The following FRMD4B variants were observed in gnomAD, a reference collection of about 807,000 sequenced individuals.
The protein encoded by FRMD4B is FERM domain-containing protein 4B.
A neutral mutation model predicts 141.5 loss-of-function variants in FRMD4B; 74 were observed. The observed-to-expected ratio is 0.52, with a 90% CI of 0.43 to 0.63. The LOEUF is 0.63. Ranked by LOEUF, FRMD4B falls within the 30% of genes least tolerant of loss-of-function variation. FRMD4B has a pLI of 0.00. For missense variants in FRMD4B, 1,366 were observed against 1,253.4 expected (o/e 1.09, Z -1.36); for synonymous variants, 506 against 467.9 (o/e 1.08, Z -1.05).
intron 11 of FRMD4B, among the ~76,000 whole-genome samples, chr3:69,212,661 G>C (rs905802409): frequency 6.6e-6 from 1 of 152,166 alleles, no homozygotes; most frequent in Non-Finnish European, 1.5e-5. Context: ...AATATTTACT[G>C]TGCAGATTCT....
At chr3:69,286,370 G>A (rs1168620281) in intron 5 of FRMD4B, among the ~76,000 whole-genome samples, 1 of 152,196 alleles carries the variant, frequency 6.6e-6, no homozygotes, top group Admixed American at 6.5e-5. Flanking sequence ...TCGCATAAAG[G>A]CTGAGAGGAG....
At chr3:69,192,283 G>A (rs2092846585) in intron 17 of FRMD4B, among the ~76,000 whole-genome samples, 1 of 152,064 alleles carries the variant, frequency 6.6e-6, no homozygotes, top group Non-Finnish European at 1.5e-5. Flanking sequence ...GGCTGAGGTA[G>A]GAGGATCACC....
At chr3:69,379,937 C>T (rs1057298810) in intron 1 of FRMD4B, among the ~76,000 whole-genome samples, 1 of 152,194 alleles carries the variant, frequency 6.6e-6, no homozygotes, top group Non-Finnish European at 1.5e-5. Context: ...TTGCTGACTC[C>T]CTTTCTAGTC....
intron 11 of FRMD4B, among the ~76,000 whole-genome samples, chr3:69,211,031 A>AAAAAAG (rs1311545873): frequency 6.6e-6 from 1 of 151,222 alleles, no homozygotes; most frequent in African/African-American, 2.4e-5. Flanking sequence ...TCGAAAAAAA[A>AAAAAAG]AAAAAAAAAG....
intron 1 of FRMD4B, among the ~76,000 whole-genome samples, chr3:69,513,384 C>T (rs1706720248): frequency 6.6e-6 from 1 of 152,116 alleles, no homozygotes; most frequent in South Asian, 2.1e-4. Context: ...AGACCCGTAA[C>T]TAATAAGCAG....
Position 69,169,922 on chromosome 3 carries a change from A to G in FRMD4B, c.*1939T>C, listed in dbSNP as rs1406708622. 1 of 152,218 alleles carries G rather than the reference A, an allele frequency of 6.6e-6. No individual in the cohort carries two copies. The highest frequency in any genetic ancestry group is 1.5e-5 in the Non-Finnish European group (1 of 68,034). The allele number at this position is 152,218 out of a possible 1,614,324, so 9.4% of individuals were successfully genotyped here. On this transcript the variant is annotated 3_prime_UTR_variant, in exon 23 of 23. Transcript: ENST00000398540. ...AGTATAAATTACTTGCTACAAATAA[A>G]CAACATTCCCAAGATTAAAAAACCT...
At chr3:69,517,570 C>T (rs1700783788) in intron 1 of FRMD4B, among the ~76,000 whole-genome samples, 1 of 152,124 alleles carries the variant, frequency 6.6e-6, no homozygotes, top group Non-Finnish European at 1.5e-5. Context: ...CATGTGTAAG[C>T]AGTCCAAAAC....
intron 1 of FRMD4B, among the ~76,000 whole-genome samples, chr3:69,477,649 A>G (rs1706026723): frequency 6.6e-6 from 1 of 152,054 alleles, no homozygotes. Flanking sequence ...CATCAAGGAT[A>G]TTGGTCTAAA....
At chr3:69,433,155 T>A (rs1426236160) in intron 1 of FRMD4B, 3 of 152,338 alleles carry the variant, frequency 2.0e-5, no homozygotes, top group Middle Eastern at 3.4e-3. Context: ...CGAAGCCATG[T>A]TTCAGAGTTA....
intron 1 of FRMD4B, among the ~76,000 whole-genome samples, chr3:69,466,695 C>CCTTTA (rs1553644744): frequency 1.3e-4 from 19 of 151,890 alleles, no homozygotes; most frequent in Admixed American, 9.8e-4. Flanking sequence ...AAAAGCAAAA[C>CCTTTA]CTTTTCTTTT....
intron 5 of FRMD4B, among the ~76,000 whole-genome samples, chr3:69,270,854 G>A (rs1448131585): frequency 2.0e-5 from 3 of 152,022 alleles, no homozygotes; most frequent in Middle Eastern, 3.2e-3. Context: ...GTGAGCCACC[G>A]TGCCCAGCCC....
intron 3 of FRMD4B, among the ~76,000 whole-genome samples, chr3:69,305,158 T>C (rs1156292111): frequency 1.3e-5 from 2 of 152,198 alleles, no homozygotes; most frequent in African/African-American, 4.8e-5. Context: ...TGGACTTGTA[T>C]ATAAAAGTAC....
chr3:69,479,635 T>C (rs1706079356), intron 1 of FRMD4B, among the ~76,000 whole-genome samples: 1 of 152,162 alleles, frequency 6.6e-6, no homozygotes, highest in Non-Finnish European at 1.5e-5. Context: ...TGGCTGCCCT[T>C]AACATTTTTT....
At chr3:69,286,585 G>C (rs1232797816) in intron 5 of FRMD4B, among the ~76,000 whole-genome samples, 1 of 151,008 alleles carries the variant, frequency 6.6e-6, no homozygotes, top group Non-Finnish European at 1.5e-5. Context: ...AAGAAGGCCT[G>C]GAAACAGGTA....
At chr3:69,280,303 T>C (rs2093638895) in intron 5 of FRMD4B, among the ~76,000 whole-genome samples, 1 of 152,098 alleles carries the variant, frequency 6.6e-6, no homozygotes, top group Non-Finnish European at 1.5e-5. Flanking sequence ...GGGCCCTCGC[T>C]TGAACAACAA....
chr3:69,192,176 G>T (rs1489563533), intron 17 of FRMD4B, among the ~76,000 whole-genome samples: 1 of 152,024 alleles, frequency 6.6e-6, no homozygotes, highest in African/African-American at 2.4e-5. Flanking sequence ...TTGAGCTCAG[G>T]AGTTTGAGAC....
chr3:69,456,341 A>T (rs531097757), intron 1 of FRMD4B, among the ~76,000 whole-genome samples: 1 of 152,354 alleles, frequency 6.6e-6, no homozygotes, highest in East Asian at 1.9e-4. Context: ...AGACTAAAAA[A>T]ATTCATATGC....
chr3:69,249,178 T>C (rs768497421), intron 7 of FRMD4B, 48 bp downstream of exon 7: 14 of 1,183,982 alleles, frequency 1.2e-5, no homozygotes, highest in Middle Eastern at 1.9e-4. Context: ...CATAAAATGA[T>C]TCTTTAGGGT....
chr3:69,300,296 C>G (rs1701173584), intron 4 of FRMD4B, among the ~76,000 whole-genome samples: 1 of 152,180 alleles, frequency 6.6e-6, no homozygotes, highest in South Asian at 2.1e-4. Context: ...TTATGATTCT[C>G]ACTATACTGT....
Sources: gnomAD v4.1 joint callset for allele counts (sites outside exome capture counted in the v4.1 genomes callset) on GRCh38, gnomAD v4.1.1 for gene constraint, MANE v1.5 for transcripts, NCBI Gene and HGNC (gene_info 2026-07-23, HGNC 2026-07-21) for gene names.